CWC22: variants seen among roughly 807,000 people sequenced by gnomAD.
CWC22 encodes CWC22 spliceosome associated protein, also known as pre-mRNA-splicing factor CWC22 homolog.
CWC22 carries 53 observed loss-of-function variants against 117.2 expected under a neutral mutation model. That is an observed-to-expected ratio of 0.45 (90% CI 0.36 to 0.57). CWC22 has a LOEUF of 0.57. Among genes scored for constraint, CWC22 ranks in the 20% least tolerant of loss-of-function variants. The pLI is 0.00. For synonymous variants in CWC22, 360 were observed against 355.6 expected (o/e 1.01, Z -0.14); for missense variants, 980 against 1,068.8 (o/e 0.92, Z 1.16).
intron 2 of CWC22, among the ~76,000 whole-genome samples, chr2:179,992,192 C>T (rs1687585613): frequency 6.6e-6 from 1 of 152,034 alleles, no homozygotes; most frequent in Admixed American, 6.6e-5. Flanking sequence ...ACTCCAAGGC[C>T]CAAAAAGTGA....
chr2:179,992,003 C>T (rs1437014578), intron 2 of CWC22, among the ~76,000 whole-genome samples: 1 of 152,188 alleles, frequency 6.6e-6, no homozygotes, highest in Non-Finnish European at 1.5e-5. Context: ...GGCTGCCTTA[C>T]TCTACAAGTC....
intron 19 of CWC22, among the ~76,000 whole-genome samples, chr2:179,947,692 A>C (rs549169396): frequency 6.6e-6 from 1 of 152,232 alleles, no homozygotes; most frequent in Admixed American, 6.5e-5. Context: ...ATTCATGAAT[A>C]AAAGTTCCTG....
chr2:180,004,477 C>T (rs535053236), intron 1 of CWC22, among the ~76,000 whole-genome samples: 19 of 152,046 alleles, frequency 1.2e-4, no homozygotes, highest in Admixed American at 3.3e-4. Context: ...CTGCAACCTC[C>T]GCCTCCCAGG....
intron 2 of CWC22, among the ~76,000 whole-genome samples, chr2:179,989,921 C>T (rs1357674996): frequency 1.3e-5 from 2 of 152,060 alleles, no homozygotes; most frequent in African/African-American, 4.8e-5. Context: ...TACATGCTTG[C>T]CTCCTTAATG....
chr2:179,986,366 C>T (rs1687419605), intron 4 of CWC22, among the ~76,000 whole-genome samples: 1 of 152,150 alleles, frequency 6.6e-6, no homozygotes, highest in Non-Finnish European at 1.5e-5. Flanking sequence ...CATAAACCAA[C>T]CCCTCTTGCG....
At chr2:179,956,150 T>A (rs1412865501) in intron 14 of CWC22, among the ~76,000 whole-genome samples, 1 of 151,682 alleles carries the variant, frequency 6.6e-6, no homozygotes, top group Admixed American at 6.6e-5. Flanking sequence ...TTTAAAAAAT[T>A]ATATAATTAA....
intron 19 of CWC22, 138 bp from the exon 20 acceptor site, chr2:179,945,853 GTC>G (rs1686279824): frequency 1.7e-6 from 1 of 593,742 alleles, no homozygotes; most frequent in South Asian, 2.3e-5. Context: ...TGAATAGAAA[GTC>G]TGATGACACA....
At chr2:179,969,208 A>G (rs1686969915) in intron 11 of CWC22, among the ~76,000 whole-genome samples, 1 of 152,212 alleles carries the variant, frequency 6.6e-6, no homozygotes, top group Admixed American at 6.5e-5. Flanking sequence ...AGAATTTCAC[A>G]AAAAACATTT....
At position 179,945,625 on chromosome 2, in the gene CWC22, T is replaced by C. The variant is rs772757774; in HGVS notation, c.2231A>G (p.Gln744Arg). Residue 744 changes from glutamine to arginine, a missense_variant, in exon 20 of 20, where the codon CAA becomes CGA. Gln to Arg is a conservative substitution (Grantham distance 43). This residue lies in a region of CWC22 where 306 missense variants were observed against 296.8 expected (regional missense o/e 1.03). Transcript: ENST00000410053. ...CCCGTGTTCTTGTCTTCTTTCTTTT[T>C]GTTTCCTATCATTTGTTTGCTGGTT... Reference protein sequence around the residue: ...IRNQQTNDRKQKERRQEHGHQ... With the variant: ...IRNQQTNDRKRKERRQEHGHQ... The C allele has an allele frequency of 1.9e-6, 3 of 1,613,126 alleles. No individual in the cohort carries two copies. The highest frequency in any genetic ancestry group is 2.5e-6 in the Non-Finnish European group (3 of 1,179,614).
intron 5 of CWC22, among the ~76,000 whole-genome samples, chr2:179,980,367 TTTTAA>T (rs747855107): frequency 2.7e-4 from 41 of 152,254 alleles, no homozygotes; most frequent in East Asian, 7.7e-4. Context: ...TTAAATTCGG[TTTTAA>T]TTTATTTCAA....
intron 11 of CWC22, among the ~76,000 whole-genome samples, chr2:179,967,677 AATATAG>A (rs1686926506): frequency 6.6e-6 from 1 of 152,242 alleles, no homozygotes; most frequent in African/African-American, 2.4e-5. Flanking sequence ...CTCAGCCCTG[AATATAG>A]GACTTTATCC....
chr2:179,972,484 G>C (rs565002159), intron 8 of CWC22, among the ~76,000 whole-genome samples: 2 of 152,224 alleles, frequency 1.3e-5, no homozygotes, highest in Non-Finnish European at 2.9e-5. Flanking sequence ...GACTATACCT[G>C]TGTGGTTGCA....
intron 2 of CWC22, 68 bp from the exon 3 acceptor site, chr2:179,988,712 T>C (rs988135576): frequency 1.3e-6 from 1 of 799,790 alleles, no homozygotes; most frequent in Admixed American, 3.1e-5. Flanking sequence ...CTGAAATACA[T>C]GGCTTAGAAA....
chr2:179,965,204 AAT>A (rs1346049509), intron 12 of CWC22, among the ~76,000 whole-genome samples: 1 of 152,206 alleles, frequency 6.6e-6, no homozygotes, highest in African/African-American at 2.4e-5. Context: ...ATTTTTACAA[AAT>A]ATGTTATAGA....
chr2:179,956,370 C>T (rs1208333803), intron 14 of CWC22, among the ~76,000 whole-genome samples: 2 of 151,278 alleles, frequency 1.3e-5, no homozygotes, highest in African/African-American at 4.8e-5. Flanking sequence ...TCTTCAGCCA[C>T]ATTACTAGTC....
At chr2:180,002,673 CA>C (rs1035922833) in intron 1 of CWC22, among the ~76,000 whole-genome samples, 1 of 152,134 alleles carries the variant, frequency 6.6e-6, no homozygotes, top group African/African-American at 2.4e-5. Flanking sequence ...ATGTCATAAA[CA>C]AGTGTTACTG....
At chr2:179,984,941 A>C (rs1414595953) in intron 4 of CWC22, among the ~76,000 whole-genome samples, 1 of 152,062 alleles carries the variant, frequency 6.6e-6, no homozygotes, top group Non-Finnish European at 1.5e-5. Flanking sequence ...GATATGCTCA[A>C]GAAACTAATA....
chr2:179,994,986 C>T (rs889619308), intron 1 of CWC22, among the ~76,000 whole-genome samples: 6 of 152,120 alleles, frequency 3.9e-5, no homozygotes, highest in Admixed American at 6.5e-5. Context: ...GGCGTGGTGG[C>T]GGGCGCCTGT....
At chr2:179,972,954 A>G (rs1244266819) in intron 8 of CWC22, among the ~76,000 whole-genome samples, 2 of 152,084 alleles carry the variant, frequency 1.3e-5, no homozygotes, top group Admixed American at 1.3e-4. Flanking sequence ...GCTTGCAGTG[A>G]GCCAAGATTG....
Sources: gnomAD v4.1 joint callset for allele counts (sites outside exome capture counted in the v4.1 genomes callset) on GRCh38, gnomAD v4.1.1 for gene constraint, gnomAD v4.1.1 regional missense constraint, MANE v1.5 for transcripts, NCBI Gene and HGNC (gene_info 2026-07-23, HGNC 2026-07-21) for gene names.